The following NR3C1 variants were observed in gnomAD, a reference collection of about 807,000 sequenced individuals.
NR3C1 encodes the protein glucocorticoid receptor.
NR3C1 carries 14 observed loss-of-function variants against 74.0 expected under a neutral mutation model. The observed-to-expected ratio is 0.19, with a 90% CI of 0.12 to 0.30. The LOEUF (loss-of-function observed/expected upper bound fraction) is 0.30. Ranked by LOEUF, NR3C1 falls within the 10% of genes least tolerant of loss-of-function variation. NR3C1 has a pLI of 1.00. For missense variants in NR3C1, 695 were observed against 909.8 expected (o/e 0.76, Z 3.04); for synonymous variants, 308 against 332.5 (o/e 0.93, Z 0.80).
chr5:143,333,279 C>T (rs1195366684), intron 2 of NR3C1: 1 of 843,280 alleles, frequency 1.2e-6, no homozygotes, highest in Non-Finnish European at 2.0e-6. Context: ...CTTGGGCTGA[C>T]TTTTGATAGG....
At chr5:143,390,583 C>A (rs1003990350) in intron 2 of NR3C1, among the ~76,000 whole-genome samples, 1 of 152,020 alleles carries the variant, frequency 6.6e-6, no homozygotes, top group Non-Finnish European at 1.5e-5. Flanking sequence ...ATTACTATGC[C>A]AAGAAGAGGG....
At chr5:143,328,201 T>C (rs2151685271) in intron 2 of NR3C1, among the ~76,000 whole-genome samples, 1 of 152,332 alleles carries the variant, frequency 6.6e-6, no homozygotes, top group Middle Eastern at 3.4e-3. Flanking sequence ...TCTGAAGCAA[T>C]GGTGCGAGCT....
At chr5:143,288,910 G>C (rs1815202775) in intron 7 of NR3C1, among the ~76,000 whole-genome samples, 1 of 151,926 alleles carries the variant, frequency 6.6e-6, no homozygotes, top group South Asian at 2.1e-4. Flanking sequence ...TTTGAGACCA[G>C]CCTGGCCAAC....
At chr5:143,290,431 T>C (rs1219040178) in intron 7 of NR3C1, among the ~76,000 whole-genome samples, 1 of 152,246 alleles carries the variant, frequency 6.6e-6, no homozygotes, top group Non-Finnish European at 1.5e-5. Context: ...TGGCCATGTC[T>C]TGGGTTATAC....
chr5:143,304,713 A>G (rs1229055437), intron 4 of NR3C1, among the ~76,000 whole-genome samples: 1 of 151,652 alleles, frequency 6.6e-6, no homozygotes. Context: ...AAAACCACAC[A>G]CAATGGTACA....
intron 1 of NR3C1, among the ~76,000 whole-genome samples, chr5:143,419,385 T>C (rs66504964): frequency 0.18 from 27,658 of 152,192 alleles, 2,720 homozygotes; most frequent in Middle Eastern, 0.35. Flanking sequence ...TGAAGCACTA[T>C]GATAAAAGAA....
Position 143,278,473 on chromosome 5 carries a change from G to C in NR3C1, c.*3416C>G, listed in dbSNP as rs888927599. ...TCCTGAAAACCTGGTCACTAATCCTGGGTGGACCAGGTTGCTTGAAAATAG... is the reference window on the plus strand; with the variant it reads ...TCCTGAAAACCTGGTCACTAATCCTCGGTGGACCAGGTTGCTTGAAAATAG... On this transcript the variant is annotated 3_prime_UTR_variant, in exon 9 of 9. Transcript: ENST00000394464. The C allele has an allele frequency of 4.6e-5, 7 of 152,110 alleles. No individual in the cohort carries two copies. The highest frequency in any genetic ancestry group is 2.0e-4 in the Admixed American group (3 of 15,260). 9.4% of individuals were successfully genotyped at this position (152,110 alleles called of 1,614,324 possible).
In NR3C1 at chr5:143,282,569, T is replaced by G; in HGVS notation, c.2180A>C (p.Glu727Ala). The G allele has an allele frequency of 6.2e-7, 1 of 1,613,814 alleles. No homozygotes were observed. The highest frequency in any genetic ancestry group is 8.5e-7 in the Non-Finnish European group (1 of 1,179,826). The change falls in exon 8 of 9, where the codon GAA becomes GCA. Residue 727 changes from glutamate to alanine, a missense_variant and splice_region_variant. Physicochemically the swap from Glu to Ala is moderately radical, Grantham distance 107. Transcript: ENST00000394464. Reference sequence around the variant, plus strand: ...TTTGGCTTTATGTTTGACACTTACTTCATGCATAGAATCCAAGAGTTTTGT... The same window carrying G: ...TTTGGCTTTATGTTTGACACTTACTGCATGCATAGAATCCAAGAGTTTTGT... ...QLTKLLDSMH[E>A]VVENLLNYCF...
intron 7 of NR3C1, chr5:143,294,932 G>C (rs1408203659): frequency 1.0e-6 from 1 of 985,178 alleles, no homozygotes; most frequent in Admixed American, 6.2e-5. Flanking sequence ...TCTCACAGAA[G>C]TTCGTTTTAT....
At chr5:143,368,736 C>A (rs896904150) in intron 2 of NR3C1, among the ~76,000 whole-genome samples, 1 of 152,030 alleles carries the variant, frequency 6.6e-6, no homozygotes, top group African/African-American at 2.4e-5. Flanking sequence ...TACCCATACC[C>A]AATAGGATGG....
chr5:143,307,216 T>C lies in NR3C1; in HGVS notation c.1468+2881A>G, dbSNP rs76490826. On this transcript the variant is annotated intron_variant, in intron 4 of 8. Coordinates refer to ENST00000394464, the MANE Select transcript of NR3C1 (RefSeq NM_000176.3). ...CAACCGTATGCTTAAATTTTATTCA[T>C]GTAAGAAAAATTTCTGATGTCCAAC... Among the ~76,000 whole-genome samples, 154 of 152,258 alleles carry C rather than the reference T, an allele frequency of 1.0e-3. 3 individuals are homozygous for C. In the East Asian group the frequency reaches 0.022, roughly 22 times the overall value.
chr5:143,279,687 C>A lies in NR3C1; in HGVS notation c.*2202G>T, dbSNP rs1812817462. 4 of 334,744 alleles carry A rather than the reference C, an allele frequency of 1.2e-5. No individual in the cohort carries two copies. The highest frequency in any genetic ancestry group is 7.8e-4 in the Middle Eastern group (1 of 1,282). 20.7% of individuals were successfully genotyped at this position (334,744 alleles called of 1,614,324 possible). On this transcript the variant is annotated 3_prime_UTR_variant, in exon 9 of 9. Transcript: ENST00000394464. Reference sequence around the variant, plus strand: ...TGTCCTCATTTTATTTGGAAATAAACTCTTGTTGTAGGATAGAAAGGAATT... The same window carrying A: ...TGTCCTCATTTTATTTGGAAATAAAATCTTGTTGTAGGATAGAAAGGAATT...
Position 143,400,146 on chromosome 5 carries a change from C to G in NR3C1, c.694G>C (p.Asp232His). Residue 232 changes from aspartate (D) to histidine (H), a missense_variant, in exon 2 of 9, where the codon GAC becomes CAC. By Grantham distance (81) the Asp-to-His change is moderately conservative. This residue lies in a region of NR3C1 where 497 missense variants were observed against 489.5 expected (regional missense o/e 1.02). Coordinates refer to ENST00000394464, the MANE Select transcript of NR3C1 (RefSeq NM_000176.3). ...TTTCCTTCCAAAAGGAATGAATCGT[C>G]TTCTCCCGCCAGAGGAGAAAGCAAA... ...NCLLSPLAGE[D>H]DSFLLEGNSN... is the part of the protein sequence containing the mutation. 1 of 1,614,196 alleles carries G rather than the reference C, an allele frequency of 6.2e-7. No homozygotes were observed. Among genetic ancestry groups the G allele is most frequent in the South Asian group, 1.1e-5 (1 of 91,080 alleles).
chr5:143,368,466 A>G (rs1231035306), intron 2 of NR3C1, among the ~76,000 whole-genome samples: 1 of 152,050 alleles, frequency 6.6e-6, no homozygotes, highest in Non-Finnish European at 1.5e-5. Context: ...TTGTCCTCAA[A>G]TTATATATTT....
In NR3C1 at chr5:143,394,916, T is replaced by A. The variant is rs146888649; in HGVS notation, c.1184+4740A>T. On this transcript the variant is annotated intron_variant, in intron 2 of 8. Transcript: ENST00000394464. ...ATCCCACATCTCTGTTGCTCCTCCC[T>A]CTTCACCCTCCACCCCCAATTAATT... 2.2e-3 allele frequency among the ~76,000 whole-genome samples: 328 copies of A among 152,046 alleles called. 2 individuals carry two copies. The Middle Eastern group carries it at 0.027, about 13-fold the overall frequency.
At chr5:143,386,351 G>T (rs1381592382) in intron 2 of NR3C1, among the ~76,000 whole-genome samples, 11 of 152,108 alleles carry the variant, frequency 7.2e-5, no homozygotes, top group Admixed American at 6.5e-4. Context: ...CATAGAAAAG[G>T]GTGTTTATTA....
intron 1 of NR3C1, among the ~76,000 whole-genome samples, chr5:143,402,367 G>C (rs1258100773): frequency 6.6e-6 from 1 of 152,120 alleles, no homozygotes; most frequent in East Asian, 1.9e-4. Context: ...CATGCCAGAG[G>C]GTCTTAAGTG....
intron 1 of NR3C1, among the ~76,000 whole-genome samples, chr5:143,416,317 G>T (rs113807656): frequency 6.6e-6 from 1 of 152,040 alleles, no homozygotes; most frequent in East Asian, 1.9e-4. Flanking sequence ...CACATGACAG[G>T]GACAGATACA....
intron 2 of NR3C1, among the ~76,000 whole-genome samples, chr5:143,322,733 C>A (rs1001192186): frequency 4.6e-5 from 7 of 152,182 alleles, no homozygotes; most frequent in Admixed American, 1.3e-4. Context: ...ACCCTCAGAA[C>A]CAATCTCAAC....
Sources: allele counts gnomAD v4.1 joint callset (sites outside exome capture counted in the v4.1 genomes callset), GRCh38; gene constraint gnomAD v4.1.1; regional missense constraint gnomAD v4.1.1; transcripts MANE v1.5; gene names NCBI Gene and HGNC (gene_info 2026-07-23, HGNC 2026-07-21).